Variants in MED13 observed in about 807,000 individuals in gnomAD.
MED13 encodes mediator of RNA polymerase II transcription subunit 13.
Under a neutral mutation model 225.2 loss-of-function variants are expected in MED13, and 23 were observed. The observed-to-expected ratio is 0.10, with a 90% CI of 0.07 to 0.14. The LOEUF (loss-of-function observed/expected upper bound fraction) is 0.14. Among genes scored for constraint, MED13 ranks in the 10% least tolerant of loss-of-function variants. The pLI, the probability that MED13 is intolerant of heterozygous loss-of-function variation, is 1.00. For synonymous variants in MED13, 942 were observed against 889.2 expected, an observed-to-expected ratio of 1.06 and a Z score of -1.06; for missense variants, 2,197 against 2,594.5, an observed-to-expected ratio of 0.85 and a Z score of 3.33.
At position 61,950,898 on chromosome 17, in the gene MED13, T is replaced by C. The variant is rs1340348987; in HGVS notation, c.6218A>G (p.Lys2073Arg). The change falls in exon 28 of 30, where the codon AAA becomes AGA. Residue 2073 changes from lysine to arginine, a missense_variant. Lys to Arg is a conservative substitution (Grantham distance 26). This residue lies in a region of MED13 where 216 missense variants were observed against 388.9 expected (regional missense o/e 0.56). Transcript: ENST00000397786. Reference protein sequence around the residue: ...LALGYFVSTAKAGPLPDWFWS... With the variant: ...LALGYFVSTARAGPLPDWFWS... The stretch of plus-strand genomic sequence containing the variant: ...GAACCAGTCAGGTAATGGACCTGCT[T>C]TGGCAGTTGATACAAAGTAACCAAG... The C allele has an allele frequency of 1.2e-6, 2 of 1,614,086 alleles. No individual in the cohort carries two copies. Among genetic ancestry groups the C allele is most frequent in the South Asian group, 2.2e-5 (2 of 91,082 alleles).
At chr17:62,050,425 T>C (rs775088138) in intron 3 of MED13, among the ~76,000 whole-genome samples, 2 of 151,106 alleles carry the variant, frequency 1.3e-5, no homozygotes, top group Non-Finnish European at 2.9e-5. Flanking sequence ...TATCCAAGTG[T>C]TGAGTCGGGG....
intron 8 of MED13, among the ~76,000 whole-genome samples, chr17:62,020,030 CA>C (rs1380005524): frequency 6.6e-6 from 1 of 152,082 alleles, no homozygotes; most frequent in Non-Finnish European, 1.5e-5. Context: ...AGGTGTGAAC[CA>C]CTGCGCAAGG....
chr17:62,064,320 G>C (rs2081064107), intron 1 of MED13, among the ~76,000 whole-genome samples: 1 of 152,206 alleles, frequency 6.6e-6, no homozygotes, highest in South Asian at 2.1e-4. Context: ...GATGTTACCA[G>C]ACCTGGGCTA....
rs2081070234 is a variant in MED13, at chr17:62,065,028, G to A, written c.66+112C>T. ...GCTTCGCAGGGCGCCGGCTCCGGCT[G>A]GGCCTCGCCCGGGAACTCGGGCATC... is the stretch of plus-strand genomic sequence containing the variant. On this transcript the variant is annotated intron_variant, in intron 1 of 29. Coordinates refer to ENST00000397786, the MANE Select transcript of MED13 (RefSeq NM_005121.3). 1.2e-5 allele frequency: 11 copies of A among 938,146 alleles called. No individual in the cohort carries two copies. In the South Asian group the frequency reaches 1.9e-4, roughly 16 times the overall value. The allele number at this position is 938,146 out of a possible 1,614,324, so 58.1% of individuals were successfully genotyped here.
At chr17:62,015,955 T>TATATATATATATA (rs1491450985) in intron 8 of MED13, among the ~76,000 whole-genome samples, 15 of 4,022 alleles carry the variant, frequency 3.7e-3, no homozygotes, top group Non-Finnish European at 4.7e-3. Flanking sequence ...TATATATATA[T>TATATATATATATA]TTTTTTTTTT....
At chr17:61,972,386 T>A (rs2080117602) in intron 17 of MED13, among the ~76,000 whole-genome samples, 2 of 152,160 alleles carry the variant, frequency 1.3e-5, no homozygotes, top group African/African-American at 4.8e-5. Context: ...TCCACCTCCC[T>A]TTTTCATTTA....
chr17:62,049,822 C>T lies in MED13; in HGVS notation c.470+2715G>A, dbSNP rs539507812. On this transcript the variant is annotated intron_variant, in intron 3 of 29. Transcript: ENST00000397786. ...GCGGGCACCTGTAGTCCCAGCTACT[C>T]GGGAGGCTGAGGCAGGAGAATGGCG... is the stretch of plus-strand genomic sequence containing the variant. Among the ~76,000 whole-genome samples, 230 of 150,266 alleles carry T rather than the reference C, an allele frequency of 1.5e-3. 1 individual carries two copies. The highest frequency in any genetic ancestry group is 5.6e-3 in the African/African-American group (227 of 40,682).
At chr17:62,048,428 GA>G (rs2080923032) in intron 3 of MED13, among the ~76,000 whole-genome samples, 1 of 131,300 alleles carries the variant, frequency 7.6e-6, no homozygotes, top group African/African-American at 2.8e-5. Flanking sequence ...AAAAAGGAAA[GA>G]AAAAGAAAGC....
At chr17:61,973,188 G>A (rs1204211949) in intron 16 of MED13, among the ~76,000 whole-genome samples, 1 of 151,766 alleles carries the variant, frequency 6.6e-6, no homozygotes, top group Non-Finnish European at 1.5e-5. Context: ...CTTTCTTTTT[G>A]CATTTATGTT....
At chr17:62,050,354 G>A (rs1312247629) in intron 3 of MED13, among the ~76,000 whole-genome samples, 13 of 147,380 alleles carry the variant, frequency 8.8e-5, no homozygotes, top group East Asian at 2.0e-4. Flanking sequence ...GTGAAACTCC[G>A]TATCAGAAAA....
In MED13 at chr17:62,063,199, A is replaced by C; in HGVS notation, c.169T>G (p.Phe57Val). Residue 57 changes from phenylalanine to valine, a missense_variant, in exon 2 of 30, where the codon TTT becomes GTT. By Grantham distance (50) the Phe-to-Val change is conservative (BLOSUM62 -1). Transcript: ENST00000397786. ...VTEEDPILSS[F>V]SRCLKADVLG... is the part of the protein sequence containing the mutation. ...ACATCTGCCTTAAGGCAGCGACTAA[A>C]ACTGCTCAAAATGGGGTCTTCTTCT... is the stretch of plus-strand genomic sequence containing the variant. 1 of 1,614,184 alleles carries C rather than the reference A, an allele frequency of 6.2e-7. No homozygotes were observed. Among genetic ancestry groups the C allele is most frequent in the Non-Finnish European group, 8.5e-7 (1 of 1,180,018 alleles).
chr17:61,988,444 G>A (rs977224692), intron 11 of MED13, among the ~76,000 whole-genome samples: 3 of 152,090 alleles, frequency 2.0e-5, no homozygotes, highest in Admixed American at 6.6e-5. Flanking sequence ...GAGAGTCCTC[G>A]TTTTCAGAAA....
rs2079852764 is a variant in MED13 at position 61,946,476 on chromosome 17, T to C, written c.6517A>G (p.Met2173Val). 18 of 1,613,410 alleles carry C rather than the reference T, an allele frequency of 1.1e-5. No homozygotes were observed. The East Asian group carries it at 4.0e-4, about 36-fold the overall frequency. ...LNQLYNFIMN[M>V]L ...GTTCCATCAAATGAAGATCACAGCA[T>C]ATTCATAATAAAGTTATATAACTGA... The change falls in exon 30 of 30, where the codon ATG (methionine) becomes GTG (valine). Residue 2173 changes from methionine to valine, a missense_variant. This residue lies in a region of MED13 where 216 missense variants were observed against 388.9 expected (regional missense o/e 0.56). Coordinates refer to ENST00000397786, the MANE Select transcript of MED13 (RefSeq NM_005121.3).
intron 8 of MED13, among the ~76,000 whole-genome samples, chr17:62,021,512 C>G (rs908351365): frequency 2.6e-5 from 4 of 152,232 alleles, no homozygotes; most frequent in Admixed American, 1.3e-4. Flanking sequence ...GCGCCCCTCA[C>G]CTCCCGGACG....
intron 2 of MED13, among the ~76,000 whole-genome samples, chr17:62,055,901 G>A (rs1400006559): frequency 1.3e-5 from 2 of 152,044 alleles, no homozygotes; most frequent in African/African-American, 4.8e-5. Context: ...TTATTCTAAT[G>A]CTTTCAGAGG....
chr17:61,973,661 C>T (rs954165238), intron 16 of MED13, among the ~76,000 whole-genome samples: 5 of 152,116 alleles, frequency 3.3e-5, no homozygotes, highest in South Asian at 2.1e-4. Flanking sequence ...CCTAGTTTAT[C>T]GTTATTGGCC....
Position 61,953,124 on chromosome 17 carries a change from GAAAGA to G in MED13, c.5969-16_5969-12del, listed in dbSNP as rs948785830. ...TTCCATCTGCTCCATCTAAACAGGA[GAAAGA>G]AAAGAAATTTAAAACTCCATTTTCC... On this transcript the variant is annotated splice_polypyrimidine_tract_variant and intron_variant, in intron 26 of 29. Coordinates refer to ENST00000397786, the MANE Select transcript of MED13 (RefSeq NM_005121.3). 6.2e-7 allele frequency: 1 copy of G among 1,603,198 alleles called. No homozygotes were observed. Among genetic ancestry groups the G allele is most frequent in the Non-Finnish European group, 8.5e-7 (1 of 1,176,758 alleles).
chr17:61,974,713 A>G (rs989311332), intron 16 of MED13, among the ~76,000 whole-genome samples: 24 of 152,332 alleles, frequency 1.6e-4, no homozygotes, highest in African/African-American at 5.8e-4. Context: ...ATTCTGGGAC[A>G]ACTAGATATC....
intron 8 of MED13, among the ~76,000 whole-genome samples, chr17:62,015,979 T>C (rs2080575674): frequency 1.6e-5 from 1 of 61,082 alleles, no homozygotes; most frequent in Non-Finnish European, 2.9e-5. Context: ...TTTTTTTTTT[T>C]TTTTAGTAGA....
Sources: allele counts gnomAD v4.1 joint callset (sites outside exome capture counted in the v4.1 genomes callset), GRCh38; gene constraint gnomAD v4.1.1; regional missense constraint gnomAD v4.1.1; transcripts MANE v1.5; gene names NCBI Gene and HGNC (gene_info 2026-07-23, HGNC 2026-07-21).